Variants in SPATA16 observed in about 807,000 individuals in gnomAD.
SPATA16 encodes spermatogenesis-associated protein 16.
Under a neutral mutation model 63.3 loss-of-function variants are expected in SPATA16, and 36 were observed. The observed-to-expected ratio is 0.57, with a 90% CI of 0.44 to 0.75. SPATA16 has a LOEUF of 0.75. Ranked by LOEUF, SPATA16 falls within the 30% of genes least tolerant of loss-of-function variation. The probability of loss-of-function intolerance (pLI) is 0.00; values close to 1 mark genes in which losing one functional copy is unlikely to be tolerated. For missense variants in SPATA16, 646 were observed against 679.3 expected (o/e 0.95, Z 0.54); for synonymous variants, 203 against 216.7 (o/e 0.94, Z 0.56).
chr3:172,963,198 G>A (rs1358545500), intron 5 of SPATA16, among the ~76,000 whole-genome samples: 1 of 151,998 alleles, frequency 6.6e-6, no homozygotes, highest in East Asian at 1.9e-4. Flanking sequence ...AAGAACATTC[G>A]CAATAAGTTT....
At chr3:173,107,221 T>C (rs1160455996) in intron 2 of SPATA16, among the ~76,000 whole-genome samples, 1 of 152,118 alleles carries the variant, frequency 6.6e-6, no homozygotes, top group Admixed American at 6.6e-5. Flanking sequence ...AAACTGTGGT[T>C]GATTTCTTGG....
At chr3:173,106,579 C>G (rs1402459629) in intron 2 of SPATA16, among the ~76,000 whole-genome samples, 1 of 152,116 alleles carries the variant, frequency 6.6e-6, no homozygotes, top group Non-Finnish European at 1.5e-5. Context: ...TCATAACTTT[C>G]CTGCCCAAGA....
chr3:173,125,277 C>A (rs1443804677), intron 1 of SPATA16, among the ~76,000 whole-genome samples: 2 of 152,164 alleles, frequency 1.3e-5, no homozygotes, highest in Non-Finnish European at 2.9e-5. Flanking sequence ...CTGCCTCTTT[C>A]CATATGTATG....
At position 173,019,749 on chromosome 3, in the gene SPATA16, A is replaced by T. The variant is rs544228601; in HGVS notation, c.759-174T>A. On this transcript the variant is annotated intron_variant, in intron 3 of 10. Transcript: ENST00000351008. Reference sequence around the variant, plus strand: ...AATTGGCAATTAAGACAAATAAACAAGCATTATTGAAAAACTAATTAAGTT... The same window carrying T: ...AATTGGCAATTAAGACAAATAAACATGCATTATTGAAAAACTAATTAAGTT... Among the ~76,000 whole-genome samples the T allele has an allele frequency of 1.3e-4, 20 of 152,354 alleles. No individual in the cohort carries two copies. In the South Asian group the frequency reaches 3.9e-3, roughly 30 times the overall value.
intron 2 of SPATA16, among the ~76,000 whole-genome samples, chr3:173,085,666 T>C (rs536108253): frequency 6.6e-6 from 1 of 152,256 alleles, no homozygotes; most frequent in African/African-American, 2.4e-5. Flanking sequence ...CAAAAATGGC[T>C]CTTATTATTT....
intron 4 of SPATA16, among the ~76,000 whole-genome samples, chr3:172,994,292 G>A (rs563668301): frequency 1.3e-5 from 2 of 152,096 alleles, no homozygotes; most frequent in South Asian, 2.1e-4. Context: ...TAGCATTCAC[G>A]GAATATCCAC....
At chr3:173,101,928 T>C (rs1356241163) in intron 2 of SPATA16, among the ~76,000 whole-genome samples, 3 of 152,150 alleles carry the variant, frequency 2.0e-5, no homozygotes, top group Non-Finnish European at 2.9e-5. Context: ...CAATCCACCA[T>C]TGTAACCACC....
chr3:173,048,738 A>T (rs1736011927), intron 3 of SPATA16, among the ~76,000 whole-genome samples: 2 of 152,168 alleles, frequency 1.3e-5, no homozygotes, highest in South Asian at 4.1e-4. Flanking sequence ...GCCCTGCATT[A>T]TGAATAGTTT....
chr3:173,095,420 T>C (rs548846186), intron 2 of SPATA16, among the ~76,000 whole-genome samples: 1 of 152,276 alleles, frequency 6.6e-6, no homozygotes, highest in African/African-American at 2.4e-5. Context: ...CTTTACCTCT[T>C]AGAGGTGAAG....
intron 2 of SPATA16, among the ~76,000 whole-genome samples, chr3:173,105,851 CT>C (rs1448604792): frequency 5.5e-5 from 8 of 144,612 alleles, no homozygotes; most frequent in African/African-American, 2.0e-4. Context: ...CTCTCTTTTC[CT>C]CTGTGTTTAT....
chr3:172,988,467 C>T (rs1372339334), intron 4 of SPATA16, among the ~76,000 whole-genome samples: 1 of 152,140 alleles, frequency 6.6e-6, no homozygotes, highest in African/African-American at 2.4e-5. Context: ...GGCGCCTCCT[C>T]AATATGCCAA....
chr3:172,916,564 TA>T, intron 8 of SPATA16, 83 bp from the exon 9 acceptor site: 1 of 1,402,216 alleles, frequency 7.1e-7, no homozygotes, highest in Non-Finnish European at 1.0e-6. Context: ...GGGCTTGTGA[TA>T]ACGTATTTAC....
chr3:173,047,038 G>T (rs539654061), intron 3 of SPATA16, among the ~76,000 whole-genome samples: 1 of 151,884 alleles, frequency 6.6e-6, no homozygotes, highest in East Asian at 1.9e-4. Flanking sequence ...CATTAAATTC[G>T]GTAATTTTCA....
intron 8 of SPATA16, among the ~76,000 whole-genome samples, chr3:172,919,119 A>AT (rs1732564401): frequency 6.6e-6 from 1 of 152,216 alleles, no homozygotes; most frequent in African/African-American, 2.4e-5. Context: ...TAGTTAGGTC[A>AT]TTTTTTGGCA....
At chr3:173,047,235 CA>C (rs1309848872) in intron 3 of SPATA16, among the ~76,000 whole-genome samples, 1 of 150,584 alleles carries the variant, frequency 6.6e-6, no homozygotes, top group East Asian at 1.9e-4. Context: ...TCTTGTTTAC[CA>C]GAGACTGTTA....
intron 2 of SPATA16, among the ~76,000 whole-genome samples, chr3:173,074,393 A>T (rs887354120): frequency 6.6e-6 from 1 of 152,010 alleles, no homozygotes; most frequent in Non-Finnish European, 1.5e-5. Context: ...TGTGGGAGGG[A>T]CCTGGTGGGA....
At chr3:172,962,278 A>T (rs1313363990) in intron 5 of SPATA16, among the ~76,000 whole-genome samples, 1 of 149,456 alleles carries the variant, frequency 6.7e-6, no homozygotes, top group South Asian at 2.1e-4. Context: ...AAAAAAAAAA[A>T]GGACTCACAG....
chr3:172,975,342 G>C (rs1479496633), intron 5 of SPATA16, among the ~76,000 whole-genome samples: 2 of 152,116 alleles, frequency 1.3e-5, no homozygotes, highest in Non-Finnish European at 2.9e-5. Flanking sequence ...TAGAAAACAG[G>C]ATAGGTACTC....
intron 5 of SPATA16, among the ~76,000 whole-genome samples, chr3:172,957,046 A>G (rs1267011904): frequency 1.3e-5 from 2 of 152,170 alleles, no homozygotes; most frequent in Non-Finnish European, 2.9e-5. Context: ...GTTTGTAAAC[A>G]GGCACCTCTA....
Sources: gnomAD v4.1 joint callset for allele counts (sites outside exome capture counted in the v4.1 genomes callset) on GRCh38, gnomAD v4.1.1 for gene constraint, MANE v1.5 for transcripts, NCBI Gene and HGNC (gene_info 2026-07-23, HGNC 2026-07-21) for gene names.